PDE4D: variants seen among roughly 807,000 people sequenced by gnomAD.
PDE4D encodes the protein 3',5'-cyclic-AMP phosphodiesterase 4D.
PDE4D carries 24 observed loss-of-function variants against 87.4 expected under a neutral mutation model. The observed-to-expected ratio is 0.27, with a 90% CI of 0.20 to 0.39. The LOEUF (loss-of-function observed/expected upper bound fraction) is 0.39. PDE4D is among the 10% of genes least tolerant of loss of function. The pLI is 1.00. For missense variants in PDE4D, 714 were observed against 1,041.0 expected (o/e 0.69, Z 4.32); for synonymous variants, 384 against 383.2 (o/e 1.00, Z -0.02).
intron 1 of PDE4D, among the ~76,000 whole-genome samples, chr5:59,323,875 C>A (rs1466219929): frequency 6.6e-6 from 1 of 152,048 alleles, no homozygotes; most frequent in East Asian, 1.9e-4. Context: ...GTAGAAATTT[C>A]TATGTGACTT....
intron 2 of PDE4D, among the ~76,000 whole-genome samples, chr5:60,124,696 C>A (rs1033572652): frequency 2.6e-5 from 4 of 152,126 alleles, no homozygotes; most frequent in African/African-American, 7.2e-5. Context: ...TATCTTATTT[C>A]TCTGCCTAAA....
At chr5:59,444,982 A>G (rs1043571921) in intron 1 of PDE4D, among the ~76,000 whole-genome samples, 3 of 152,284 alleles carry the variant, frequency 2.0e-5, no homozygotes, top group Non-Finnish European at 4.4e-5. Flanking sequence ...AGGCCTTTCA[A>G]GTAAAACTGA....
chr5:60,301,196 G>T (rs1228765011), intron 1 of PDE4D, among the ~76,000 whole-genome samples: 1 of 152,042 alleles, frequency 6.6e-6, no homozygotes, highest in Non-Finnish European at 1.5e-5. Flanking sequence ...TGGCAATTTG[G>T]GCTCTTTTTT....
At chr5:59,029,499 A>T (rs1467072585) in intron 6 of PDE4D, among the ~76,000 whole-genome samples, 1 of 151,810 alleles carries the variant, frequency 6.6e-6, no homozygotes, top group Non-Finnish European at 1.5e-5. Context: ...CAAGACATTG[A>T]TTTAAACAAC....
Position 59,764,854 on chromosome 5 carries a change from G to A in PDE4D, c.455+128314C>T, listed in dbSNP as rs1302556290. On this transcript the variant is annotated intron_variant, in intron 1 of 14. Transcript: ENST00000340635. ...GTATTTTTAGTAGAGACGGTGTTTC[G>A]CCATGTTGCCCAGGCTGGTCTCAAA... Among the ~76,000 whole-genome samples, 7 of 151,650 alleles carry A rather than the reference G, an allele frequency of 4.6e-5. No individual in the cohort carries two copies. The East Asian group carries it at 5.9e-4, about 13-fold the overall frequency.
intron 1 of PDE4D, among the ~76,000 whole-genome samples, chr5:59,511,896 G>A (rs916374474): frequency 6.6e-6 from 1 of 152,046 alleles, no homozygotes; most frequent in Non-Finnish European, 1.5e-5. Context: ...CTGAATTTCT[G>A]TTCTATGGAT....
At chr5:59,490,956 G>T (rs146410305) in intron 1 of PDE4D, among the ~76,000 whole-genome samples, 1,586 of 152,184 alleles carry the variant, frequency 0.01, 21 homozygotes, top group Non-Finnish European at 0.015. Context: ...ACGTATAGAC[G>T]ATCAAATCTT....
At chr5:59,328,580 A>G (rs1000888458) in intron 1 of PDE4D, among the ~76,000 whole-genome samples, 2 of 152,132 alleles carry the variant, frequency 1.3e-5, no homozygotes, top group Non-Finnish European at 2.9e-5. Context: ...GCCTCGATGG[A>G]CTCTACACTT....
chr5:59,012,710 TTTAACACCCCACTGTCAACA>T (rs1753079709), intron 6 of PDE4D, among the ~76,000 whole-genome samples: 2 of 152,298 alleles, frequency 1.3e-5, no homozygotes, highest in South Asian at 4.1e-4. Context: ...AATGGGAGAC[TTTAACACCCCACTGTCAACA>T]TTAGACAGAT....
chr5:60,128,492 T>C (rs1384707515), intron 2 of PDE4D, among the ~76,000 whole-genome samples: 1 of 152,200 alleles, frequency 6.6e-6, no homozygotes, highest in East Asian at 1.9e-4. Context: ...CTGGGTTCCC[T>C]ATTCACATAC....
chr5:59,711,469 AT>A (rs1754187805), intron 1 of PDE4D, among the ~76,000 whole-genome samples: 1 of 152,094 alleles, frequency 6.6e-6, no homozygotes, highest in Non-Finnish European at 1.5e-5. Context: ...TAATCTTTCA[AT>A]TCTTTCATCA....
At chr5:59,051,184 C>G (rs947194238) in intron 5 of PDE4D, among the ~76,000 whole-genome samples, 1 of 152,200 alleles carries the variant, frequency 6.6e-6, no homozygotes, top group Non-Finnish European at 1.5e-5. Context: ...CCAGCCTAGA[C>G]AACATGGCAA....
At chr5:60,468,410 A>T (rs2150186866) in intron 1 of PDE4D, among the ~76,000 whole-genome samples, 1 of 152,158 alleles carries the variant, frequency 6.6e-6, no homozygotes, top group Non-Finnish European at 1.5e-5. Flanking sequence ...AAATGCAGGG[A>T]TTACAGGCAT....
chr5:60,016,042 T>A (rs2152848521), intron 2 of PDE4D, among the ~76,000 whole-genome samples: 1 of 152,012 alleles, frequency 6.6e-6, no homozygotes, highest in East Asian at 1.9e-4. Context: ...TGTGTGTGTG[T>A]GTGTGTGTGT....
intron 2 of PDE4D, among the ~76,000 whole-genome samples, chr5:60,071,180 C>T (rs139495589): frequency 6.6e-6 from 1 of 151,598 alleles, no homozygotes; most frequent in Middle Eastern, 3.2e-3. Flanking sequence ...TTGAATTTTC[C>T]GTTTCATGTA....
At position 59,356,141 on chromosome 5, in the gene PDE4D, T is replaced by G. The variant is rs553137477; in HGVS notation, c.456-140173A>C. ...CAAATGAAGAAGGAAATCCAATATT[T>G]TTTAAGTGTTTTCTTTCTTTCCAGT... On this transcript the variant is annotated intron_variant, in intron 1 of 14. Transcript: ENST00000340635. 3.3e-5 allele frequency among the ~76,000 whole-genome samples: 5 copies of G among 152,334 alleles called. No individual in the cohort carries two copies. In the South Asian group the frequency reaches 1.0e-3, roughly 32 times the overall value.
At chr5:59,701,628 A>G (rs1173835697) in intron 1 of PDE4D, among the ~76,000 whole-genome samples, 1 of 152,242 alleles carries the variant, frequency 6.6e-6, no homozygotes, top group African/African-American at 2.4e-5. Flanking sequence ...ACAATTATGG[A>G]AAGTCACACT....
chr5:59,284,979 G>A (rs1173380984), intron 1 of PDE4D, among the ~76,000 whole-genome samples: 1 of 80,686 alleles, frequency 1.2e-5, no homozygotes, highest in Non-Finnish European at 2.4e-5. Context: ...ACCAAACACC[G>A]CATATTCTCA....
intron 1 of PDE4D, among the ~76,000 whole-genome samples, chr5:60,403,926 G>A (rs1159276930): frequency 6.6e-6 from 1 of 152,130 alleles, no homozygotes; most frequent in Non-Finnish European, 1.5e-5. Flanking sequence ...TAAAACTTTT[G>A]TTTAGTTTGG....
Sources: allele counts gnomAD v4.1 joint callset (sites outside exome capture counted in the v4.1 genomes callset), GRCh38; gene constraint gnomAD v4.1.1; transcripts MANE v1.5; gene names NCBI Gene and HGNC (gene_info 2026-07-23, HGNC 2026-07-21).